The following BRCA1 variants were observed in gnomAD, a reference collection of about 807,000 sequenced individuals.
BRCA1 encodes breast cancer type 1 susceptibility protein.
A neutral mutation model predicts 173.7 loss-of-function variants in BRCA1; 140 were observed. The ratio of observed to expected loss-of-function variants is 0.81; its 90% CI spans 0.70 to 0.93. The LOEUF (loss-of-function observed/expected upper bound fraction) is 0.93. Among genes scored for constraint, BRCA1 ranks in the 40% least tolerant of loss-of-function variants. BRCA1 has a pLI of 0.00. For missense variants in BRCA1, 1,983 were observed against 2,172.5 expected (o/e 0.91, Z 1.73); for synonymous variants, 662 against 756.0 (o/e 0.88, Z 2.04).
chr17:43,122,535 G>A (rs964654151), intron 2 of BRCA1, among the ~76,000 whole-genome samples: 1 of 152,176 alleles, frequency 6.6e-6, no homozygotes, highest in African/African-American at 2.4e-5. Flanking sequence ...AGCAGGAATA[G>A]AAGATAAAGT....
At chr17:43,134,635 A>G (rs1259351677) in intron 1 of BRCA1, among the ~76,000 whole-genome samples, 1 of 152,196 alleles carries the variant, frequency 6.6e-6, no homozygotes, top group African/African-American at 2.4e-5. Context: ...GTTTAACACC[A>G]AGAAAATAGT....
chr17:43,044,534 A>C lies in BRCA1; in HGVS notation c.*1144T>G. On this transcript the variant is annotated 3_prime_UTR_variant, in exon 23 of 23. Coordinates refer to ENST00000357654, the MANE Select transcript of BRCA1 (RefSeq NM_007294.4). ...TCAGCAACAGGGAGCAAAGGAAAAA[A>C]ATCACCTCAAAGAAAGCAACAGCTT... The C allele has an allele frequency of 2.0e-6, 1 of 506,414 alleles. No homozygotes were observed. Among genetic ancestry groups the C allele is most frequent in the Admixed American group, 2.3e-5 (1 of 44,022 alleles). The allele number at this position is 506,414 out of a possible 1,614,324, so 31.4% of individuals were successfully genotyped here. A position where few individuals can be genotyped will look rare whatever the true frequency, so the allele number is the denominator to read the frequency against.
chr17:43,108,075 T>G lies in BRCA1; in HGVS notation c.135-1542A>C, dbSNP rs530013712. On this transcript the variant is annotated intron_variant, in intron 3 of 22. Transcript: ENST00000357654. Reference sequence around the variant, plus strand: ...AAAAAGTCACTAGGGCTGTGCACGGTGGTCCACACCTGTAATCCCAGCACT... The same window carrying G: ...AAAAAGTCACTAGGGCTGTGCACGGGGGTCCACACCTGTAATCCCAGCACT... 5.9e-5 allele frequency among the ~76,000 whole-genome samples: 9 copies of G among 152,070 alleles called. No homozygotes were observed. The East Asian group carries it at 1.7e-3, about 29-fold the overall frequency.
At chr17:43,070,734 A>G (rs1211094541) in intron 15 of BRCA1, among the ~76,000 whole-genome samples, 194 bp downstream of exon 15, 1 of 152,242 alleles carries the variant, frequency 6.6e-6, no homozygotes, top group Non-Finnish European at 1.5e-5. Flanking sequence ...GTAAATATAC[A>G]TAAAATAATC....
chr17:43,107,911 A>G (rs1597902430), intron 3 of BRCA1, among the ~76,000 whole-genome samples: 1 of 152,324 alleles, frequency 6.6e-6, no homozygotes, highest in East Asian at 1.9e-4. Context: ...GAGGGGATTC[A>G]ATAGAAAAGC....
intron 14 of BRCA1, among the ~76,000 whole-genome samples, chr17:43,073,483 T>C (rs986393334): frequency 2.6e-5 from 4 of 152,112 alleles, no homozygotes; most frequent in Admixed American, 6.5e-5. Flanking sequence ...AATACCACAT[T>C]TGATGCCAAA....
In BRCA1 at chr17:43,068,330, T is replaced by C. The variant is rs190756329; in HGVS notation, c.4987-635A>G. On this transcript the variant is annotated intron_variant, in intron 15 of 22. Transcript: ENST00000357654. ...CAAATAAATAGTTTAATAAAAATTA[T>C]GTACACATCAGCAGACATAAAATTA... Among the ~76,000 whole-genome samples, 447 of 151,424 alleles carry C rather than the reference T, an allele frequency of 3.0e-3. 2 individuals carry two copies. Among genetic ancestry groups the C allele is most frequent in the Middle Eastern group, 0.011 (3 of 284 alleles).
chr17:43,110,598 A>G, intron 3 of BRCA1: 2 of 407,458 alleles, frequency 4.9e-6, no homozygotes, highest in South Asian at 1.8e-5. Flanking sequence ...AAAAAAAAAA[A>G]AAAAAAGTAG....
intron 17 of BRCA1, 81 bp downstream of exon 17, chr17:43,063,793 A>C: frequency 8.7e-7 from 1 of 1,151,134 alleles, no homozygotes; most frequent in Non-Finnish European, 1.3e-6. Flanking sequence ...ATCAGCAAAA[A>C]CCTTAGGTGT....
In BRCA1 at chr17:43,094,115, G is replaced by T. The variant is rs752808917; in HGVS notation, c.1416C>A (p.Pro472=). 6.2e-7 allele frequency: 1 copy of T among 1,614,012 alleles called. No homozygotes were observed. Among genetic ancestry groups the T allele is most frequent in the South Asian group, 1.1e-5 (1 of 91,078 alleles). The change falls in exon 10 of 23, where the codon CCC becomes CCA. Residue 472 remains proline (P), a synonymous_variant. Transcript: ENST00000357654. ...GKTYRKKASL[P]NLSHVTENLI... ...GATTTTCAGTTACATGGCTTAAGTTGGGGAGGCTTGCCTTCTTCCGATAGG... is the reference window on the plus strand; with the variant it reads ...GATTTTCAGTTACATGGCTTAAGTTTGGGAGGCTTGCCTTCTTCCGATAGG...
chr17:43,123,632 G>A (rs1457664562), intron 2 of BRCA1, among the ~76,000 whole-genome samples: 1 of 152,140 alleles, frequency 6.6e-6, no homozygotes, highest in Admixed American at 6.5e-5. Flanking sequence ...ACAGGCATAA[G>A]CCACCGCCCT....
intron 16 of BRCA1, among the ~76,000 whole-genome samples, chr17:43,066,812 CTTTT>C (rs34253779): frequency 1.8e-5 from 2 of 112,268 alleles, no homozygotes; most frequent in Admixed American, 8.8e-5. Context: ...CCCTCCAAAC[CTTTT>C]TTTTTTTTTT....
intron 1 of BRCA1, chr17:43,124,809 T>A (rs749670546): frequency 3.6e-6 from 1 of 278,078 alleles, no homozygotes; most frequent in Non-Finnish European, 7.1e-6. Flanking sequence ...CAGGCTGGAG[T>A]GCAATGGCGC....
intron 2 of BRCA1, chr17:43,119,325 T>C (rs1459692053): frequency 4.5e-6 from 1 of 220,964 alleles, no homozygotes; most frequent in Non-Finnish European, 9.1e-6. Flanking sequence ...GACAGTAACC[T>C]TATTGTGAAG....
chr17:43,112,797 CTGTTTTTTGT>C (rs1164229247), intron 3 of BRCA1, among the ~76,000 whole-genome samples: 1 of 146,024 alleles, frequency 6.8e-6, no homozygotes, highest in Non-Finnish European at 1.5e-5. Flanking sequence ...ATCTCAACAG[CTGTTTTTTGT>C]TGTTTTTTTT....
Position 43,092,596 on chromosome 17 carries a change from G to A in BRCA1, c.2935C>T (p.Arg979Cys), listed in dbSNP as rs80356970. 19 of 1,613,858 alleles carry A rather than the reference G, an allele frequency of 1.2e-5. No homozygotes were observed. The highest frequency in any genetic ancestry group is 3.3e-4 in the Middle Eastern group (2 of 6,084). The change falls in exon 10 of 23, where the codon CGT becomes TGT. Residue 979 changes from arginine (R) to cysteine (C), a missense_variant. Transcript: ENST00000357654. ...TTGATGGGAAAAAGTGGTGGTATAC[G>A]ATATGGGTTTTGTAAAAGTCCATGT... ...NKHGLLQNPY[R>C]IPPLFPIKSF...
intron 1 of BRCA1, chr17:43,145,387 T>G (rs1327316996): frequency 1.3e-5 from 5 of 394,164 alleles, no homozygotes; most frequent in African/African-American, 2.1e-5. Context: ...AGTGCAGTGG[T>G]GCGATCTCGG....
intron 1 of BRCA1, chr17:43,162,918 G>C (rs2056245773): frequency 6.6e-6 from 1 of 152,076 alleles, no homozygotes; most frequent in Non-Finnish European, 1.5e-5. Context: ...AATAAACTGA[G>C]TCCAACACCT....
rs397507206 is a variant in BRCA1, at chr17:43,092,568, G to A, written c.2963C>T (p.Ser988Leu). The stretch of plus-strand genomic sequence containing the variant: ...TTTCTTACATTTAGTTTTAACAAAT[G>A]ACTTGATGGGAAAAAGTGGTGGTAT... ...YRIPPLFPIK[S>L]FVKTKCKKNL... Residue 988 changes from serine (S) to leucine (L), a missense_variant, in exon 10 of 23, where the codon TCA becomes TTA. Coordinates refer to ENST00000357654, the MANE Select transcript of BRCA1 (RefSeq NM_007294.4). 6 of 1,613,838 alleles carry A rather than the reference G, an allele frequency of 3.7e-6. No individual in the cohort carries two copies. The highest frequency in any genetic ancestry group is 1.7e-5 in the Admixed American group (1 of 59,982).
Sources: gnomAD v4.1 joint callset for allele counts (sites outside exome capture counted in the v4.1 genomes callset) on GRCh38, gnomAD v4.1.1 for gene constraint, MANE v1.5 for transcripts, NCBI Gene and HGNC (gene_info 2026-07-23, HGNC 2026-07-21) for gene names.